Variants in PBX4 observed in about 807,000 individuals in gnomAD.
The protein encoded by PBX4 is pre-B-cell leukemia transcription factor 4.
A neutral mutation model predicts 35.1 loss-of-function variants in PBX4; 26 were observed. That is an observed-to-expected ratio of 0.74 (90% CI 0.54 to 1.03). The LOEUF (loss-of-function observed/expected upper bound fraction) is 1.03, where lower values mean the gene tolerates loss of function less well. Among genes scored for constraint, PBX4 ranks in the 50% least tolerant of loss-of-function variants. PBX4 has a pLI of 0.00. For missense variants in PBX4, 448 were observed against 504.3 expected, an observed-to-expected ratio of 0.89 and a Z score of 1.07; for synonymous variants, 199 against 204.2, an observed-to-expected ratio of 0.97 and a Z score of 0.22.
At chr19:19,588,283 A>G (rs2061503310) in intron 2 of PBX4, 1 of 1,172,876 alleles carries the variant, frequency 8.5e-7, no homozygotes, top group South Asian at 1.2e-5. Context: ...TTCATCACAT[A>G]TGCACACCAG....
Position 19,570,796 on chromosome 19 carries a change from A to T in PBX4, c.231T>A (p.Pro77=). The part of the protein sequence containing the change: ...SIRGIQDEDP[P]DAQLLRLDNM... ...TATCCAGCCTCAGGAGCTGGGCGTC[A>T]GGGGGATCTTCGTCTTGAATGCCAC... The change falls in exon 3 of 8, where the codon CCT becomes CCA. Residue 77 remains proline (P), a synonymous_variant. Coordinates refer to ENST00000251203, the MANE Select transcript of PBX4 (RefSeq NM_025245.3). The T allele has an allele frequency of 1.9e-6, 3 of 1,614,100 alleles. No homozygotes were observed. The highest frequency in any genetic ancestry group is 2.5e-6 in the Non-Finnish European group (3 of 1,180,028).
intron 1 of PBX4, chr19:19,606,214 A>G (rs1194460139): frequency 2.0e-5 from 3 of 152,176 alleles, no homozygotes; most frequent in Non-Finnish European, 4.4e-5. Context: ...TGCCATGGTT[A>G]TGTTGTTATC....
At chr19:19,602,983 C>A (rs1030372418) in intron 1 of PBX4, among the ~76,000 whole-genome samples, 1 of 152,210 alleles carries the variant, frequency 6.6e-6, no homozygotes, top group Non-Finnish European at 1.5e-5. Flanking sequence ...TCCTCTAGCA[C>A]AGAGCCTGCC....
chr19:19,618,189 G>C (rs1286283039), intron 1 of PBX4, among the ~76,000 whole-genome samples: 1 of 151,924 alleles, frequency 6.6e-6, no homozygotes, highest in African/African-American at 2.4e-5. Flanking sequence ...CCAGCCGCAG[G>C]AGTCCCATTA....
chr19:19,613,885 C>G (rs1232205396), intron 1 of PBX4, among the ~76,000 whole-genome samples: 1 of 152,118 alleles, frequency 6.6e-6, no homozygotes, highest in Non-Finnish European at 1.5e-5. Flanking sequence ...CCTGGCACAG[C>G]TCTTCTGTGC....
intron 2 of PBX4, among the ~76,000 whole-genome samples, chr19:19,580,149 A>C (rs1046441036): frequency 3.9e-5 from 6 of 152,240 alleles, no homozygotes; most frequent in African/African-American, 1.4e-4. Context: ...GCAGGCGCAG[A>C]CAAGCATGTC....
At chr19:19,615,568 G>A (rs1599386614) in intron 1 of PBX4, among the ~76,000 whole-genome samples, 1 of 152,234 alleles carries the variant, frequency 6.6e-6, no homozygotes, top group East Asian at 1.9e-4. Flanking sequence ...GTAAAGGTCC[G>A]ATAAATATCG....
chr19:19,567,019 G>A (rs1235226778), intron 5 of PBX4, among the ~76,000 whole-genome samples: 1 of 152,270 alleles, frequency 6.6e-6, no homozygotes, highest in Admixed American at 6.5e-5. Context: ...AACATTTGGT[G>A]TACTTACATT....
chr19:19,613,657 G>A (rs2144796729), intron 1 of PBX4, among the ~76,000 whole-genome samples: 1 of 152,222 alleles, frequency 6.6e-6, no homozygotes, highest in South Asian at 2.1e-4. Flanking sequence ...GTAGCTTCCA[G>A]GACACACCCA....
rs1372199824 is a variant in PBX4 at position 19,581,775 on chromosome 19, C to T, written c.194-10942G>A. The stretch of plus-strand genomic sequence containing the variant: ...GAAGGCTGCGGGAACCCAGGTCATG[C>T]GGTGCTGCCATTGGCTTTGGGAGCT... On this transcript the variant is annotated intron_variant, in intron 2 of 7. Coordinates refer to ENST00000251203, the MANE Select transcript of PBX4 (RefSeq NM_025245.3). 2.6e-5 allele frequency among the ~76,000 whole-genome samples: 4 copies of T among 152,176 alleles called. 1 individual carries two copies. Among genetic ancestry groups the T allele is most frequent in the East Asian group, 1.9e-4 (1 of 5,194 alleles).
intron 1 of PBX4, among the ~76,000 whole-genome samples, chr19:19,612,562 G>T (rs1052773932): frequency 6.6e-6 from 1 of 152,166 alleles, no homozygotes; most frequent in African/African-American, 2.4e-5. Context: ...CTACCAGGCT[G>T]CAGGGTTTAC....
chr19:19,610,366 T>C (rs1361044837), intron 1 of PBX4, among the ~76,000 whole-genome samples: 2 of 151,968 alleles, frequency 1.3e-5, no homozygotes, highest in South Asian at 2.1e-4. Flanking sequence ...TGAGCAGAGA[T>C]TGTGCCATTG....
chr19:19,565,671 A>G (rs2061337447), intron 5 of PBX4, among the ~76,000 whole-genome samples: 1 of 152,126 alleles, frequency 6.6e-6, no homozygotes, highest in African/African-American at 2.4e-5. Flanking sequence ...TAATCTCAGC[A>G]CTTTGGGAGG....
At chr19:19,585,619 C>A (rs1468598270) in intron 2 of PBX4, among the ~76,000 whole-genome samples, 1 of 152,216 alleles carries the variant, frequency 6.6e-6, no homozygotes, top group African/African-American at 2.4e-5. Flanking sequence ...TGGCCTGAAG[C>A]CACTGAAGAT....
chr19:19,613,771 C>A (rs1353243700), intron 1 of PBX4, among the ~76,000 whole-genome samples: 1 of 152,182 alleles, frequency 6.6e-6, no homozygotes, highest in Admixed American at 6.6e-5. Flanking sequence ...CATGAAACTA[C>A]TGAATGCAAG....
intron 2 of PBX4, among the ~76,000 whole-genome samples, chr19:19,589,052 C>T (rs530914584): frequency 4.6e-5 from 7 of 152,082 alleles, no homozygotes; most frequent in African/African-American, 1.2e-4. Context: ...CACTTGAGCC[C>T]GGGAATTCAA....
chr19:19,565,005 T>C lies in PBX4; in HGVS notation c.853A>G (p.Lys285Glu). Residue 285 changes from lysine (K) to glutamate (E), a missense_variant, in exon 6 of 8, where the codon AAA becomes GAA. Lys to Glu is a moderately conservative substitution (Grantham distance 56, BLOSUM62 1). Transcript: ENST00000251203. ...FQEEATIYTG[K>E]TAVDTTEVGV... ...ACTTCCGTGGTATCCACAGCCGTTT[T>C]ACCCGTGTAAATGGTAGCCTCTTCT... 1 of 1,614,260 alleles carries C rather than the reference T, an allele frequency of 6.2e-7. No individual in the cohort carries two copies. Among genetic ancestry groups the C allele is most frequent in the Admixed American group, 1.7e-5 (1 of 60,028 alleles).
chr19:19,590,380 A>G (rs1210591722), intron 2 of PBX4, among the ~76,000 whole-genome samples: 1 of 151,826 alleles, frequency 6.6e-6, no homozygotes, highest in Non-Finnish European at 1.5e-5. Context: ...AGGTGCACCC[A>G]TGTTGCAGCC....
At chr19:19,613,232 G>T (rs186233615) in intron 1 of PBX4, among the ~76,000 whole-genome samples, 1 of 151,528 alleles carries the variant, frequency 6.6e-6, no homozygotes, top group African/African-American at 2.4e-5. Context: ...TTGGGAGGCC[G>T]AGGTGGGAGG....
Sources: allele counts gnomAD v4.1 joint callset (sites outside exome capture counted in the v4.1 genomes callset), GRCh38; gene constraint gnomAD v4.1.1; transcripts MANE v1.5; gene names NCBI Gene and HGNC (gene_info 2026-07-23, HGNC 2026-07-21).